TTC28: variants seen among roughly 807,000 people sequenced by gnomAD.
The protein encoded by TTC28 is tetratricopeptide repeat domain 28, also known as tetratricopeptide repeat protein 28.
A neutral mutation model predicts 198.0 loss-of-function variants in TTC28; 61 were observed. That is an observed-to-expected ratio of 0.31 (90% confidence interval 0.25 to 0.38). TTC28 has a LOEUF of 0.38. Among genes scored for constraint, TTC28 ranks in the 10% least tolerant of loss-of-function variants. TTC28 has a pLI of 1.00. For missense variants in TTC28, 2,678 were observed against 3,164.0 expected (o/e 0.85, Z 3.69); for synonymous variants, 1,171 against 1,297.8 (o/e 0.90, Z 2.10).
intron 2 of TTC28, among the ~76,000 whole-genome samples, chr22:28,417,553 A>G (rs1473279965): frequency 6.6e-6 from 1 of 152,176 alleles, no homozygotes; most frequent in Non-Finnish European, 1.5e-5. Flanking sequence ...TAGACGACAT[A>G]TGGCTGACTT....
intron 2 of TTC28, among the ~76,000 whole-genome samples, chr22:28,384,897 T>C (rs940702675): frequency 1.3e-5 from 2 of 152,028 alleles, no homozygotes; most frequent in Non-Finnish European, 2.9e-5. Flanking sequence ...TCCCAGCACT[T>C]TGGGAGGCCG....
intron 2 of TTC28, among the ~76,000 whole-genome samples, chr22:28,567,475 C>CATACATATATAT (rs932379618): frequency 7.3e-5 from 1 of 13,776 alleles, no homozygotes; most frequent in Non-Finnish European, 1.2e-4. Flanking sequence ...CATATACATA[C>CATACATATATAT]ATACATATAT....
At chr22:28,366,998 C>T (rs900876210) in intron 2 of TTC28, among the ~76,000 whole-genome samples, 2 of 151,944 alleles carry the variant, frequency 1.3e-5, no homozygotes, top group Non-Finnish European at 2.9e-5. Context: ...CTGGAGACTT[C>T]AATAGCCCAC....
At chr22:28,312,542 T>A (rs2045282107) in intron 2 of TTC28, among the ~76,000 whole-genome samples, 1 of 152,198 alleles carries the variant, frequency 6.6e-6, no homozygotes, top group Non-Finnish European at 1.5e-5. Context: ...AAATTAGAAC[T>A]CAAGATTAAG....
In TTC28 at chr22:27,978,869, G is replaced by T. The variant is rs1936928874; in HGVS notation, c.*3352C>A. The T allele has an allele frequency of 6.6e-6, 1 of 152,226 alleles. No homozygotes were observed. The highest frequency in any genetic ancestry group is 2.4e-5 in the African/African-American group (1 of 41,452). 9.4% of individuals were successfully genotyped at this position (152,226 alleles called of 1,614,324 possible). A position where few individuals can be genotyped will look rare whatever the true frequency, so the allele number is the denominator to read the frequency against. ...GGGAGTTGTACGGCTTATAGTCATT[G>T]TATTTACATCTGATGGAGTAGCAGA... On this transcript the variant is annotated 3_prime_UTR_variant, in exon 23 of 23. Coordinates refer to ENST00000397906, the MANE Select transcript of TTC28 (RefSeq NM_001145418.2).
chr22:28,443,793 G>A (rs1249786327), intron 2 of TTC28, among the ~76,000 whole-genome samples: 1 of 151,926 alleles, frequency 6.6e-6, no homozygotes. Context: ...GCACCCAACG[G>A]CTCCTAAGGA....
intron 12 of TTC28, among the ~76,000 whole-genome samples, chr22:28,083,071 ATT>A (rs201798492): frequency 2.9e-4 from 41 of 140,880 alleles, no homozygotes; most frequent in Non-Finnish European, 2.7e-4. Flanking sequence ...ATGATGATTC[ATT>A]TTTTTTTTTT....
chr22:28,215,843 T>C (rs1409750576), intron 5 of TTC28, among the ~76,000 whole-genome samples: 2 of 152,226 alleles, frequency 1.3e-5, no homozygotes, highest in African/African-American at 4.8e-5. Flanking sequence ...ATATAAGGCA[T>C]GTTTTTATTA....
intron 14 of TTC28, among the ~76,000 whole-genome samples, chr22:28,010,953 G>C (rs915060317): frequency 3.9e-5 from 6 of 152,228 alleles, no homozygotes; most frequent in African/African-American, 1.4e-4. Flanking sequence ...TGGGGACACA[G>C]AGATGAGGGG....
chr22:27,983,492 A>G lies in TTC28; in HGVS notation c.6175T>C (p.Phe2059Leu), dbSNP rs527733267. 8 of 1,536,532 alleles carry G rather than the reference A, an allele frequency of 5.2e-6. No individual in the cohort carries two copies. In the East Asian group the frequency reaches 2.0e-4, roughly 38 times the overall value. The change falls in exon 23 of 23, where the codon TTT becomes CTT. Residue 2059 changes from phenylalanine to leucine, a missense_variant. By Grantham distance (22) the Phe-to-Leu change is conservative (BLOSUM62 0). Coordinates refer to ENST00000397906, the MANE Select transcript of TTC28 (RefSeq NM_001145418.2). ...GNKDEEEYEG[F>L]SIISNEPLAT... ...AAGGGCTCGTTACTGATGATAGAAA[A>G]CCCTTCATATTCTTCTTCATCTTTG...
chr22:28,117,616 GA>G (rs1942668368), intron 6 of TTC28, among the ~76,000 whole-genome samples: 1 of 152,080 alleles, frequency 6.6e-6, no homozygotes, highest in Non-Finnish European at 1.5e-5. Context: ...TGGTGCCCTC[GA>G]GTTAGTTAAT....
At chr22:28,226,407 T>C (rs1234847763) in intron 5 of TTC28, among the ~76,000 whole-genome samples, 1 of 152,096 alleles carries the variant, frequency 6.6e-6, no homozygotes, top group Non-Finnish European at 1.5e-5. Context: ...GTTGAGCTTT[T>C]TCTGTTCTCT....
At chr22:28,600,796 C>T (rs1405085270) in intron 2 of TTC28, among the ~76,000 whole-genome samples, 4 of 152,184 alleles carry the variant, frequency 2.6e-5, no homozygotes, top group African/African-American at 7.2e-5. Context: ...TTTTACTCAA[C>T]AATTTGCAGC....
At chr22:28,633,418 CG>C (rs1210860785) in intron 1 of TTC28, among the ~76,000 whole-genome samples, 1 of 151,936 alleles carries the variant, frequency 6.6e-6, no homozygotes, top group Non-Finnish European at 1.5e-5. Flanking sequence ...TGTTTGAGCC[CG>C]GGAGTTCAAG....
chr22:28,424,035 C>G (rs1473389452), intron 2 of TTC28, among the ~76,000 whole-genome samples: 1 of 152,134 alleles, frequency 6.6e-6, no homozygotes, highest in African/African-American at 2.4e-5. Context: ...CCAGGAAATA[C>G]ATTTTCCTGA....
chr22:28,167,981 T>A (rs570261665), intron 5 of TTC28, among the ~76,000 whole-genome samples: 2 of 152,208 alleles, frequency 1.3e-5, no homozygotes, highest in Admixed American at 1.3e-4. Flanking sequence ...AGTCTCAGAA[T>A]ACAAAATCAA....
intron 12 of TTC28, among the ~76,000 whole-genome samples, chr22:28,038,321 A>G (rs1939450446): frequency 6.6e-6 from 1 of 152,226 alleles, no homozygotes; most frequent in African/African-American, 2.4e-5. Context: ...CAAAACAGAG[A>G]TATAGACCAA....
chr22:28,064,431 G>C (rs1940675780), intron 12 of TTC28, among the ~76,000 whole-genome samples: 1 of 152,118 alleles, frequency 6.6e-6, no homozygotes, highest in South Asian at 2.1e-4. Context: ...CTTCTAGAAA[G>C]TGGAAAACTC....
intron 2 of TTC28, among the ~76,000 whole-genome samples, chr22:28,446,710 C>T (rs543799068): frequency 1.3e-4 from 20 of 152,176 alleles, no homozygotes; most frequent in African/African-American, 3.4e-4. Flanking sequence ...AACCATAAGC[C>T]AATTAAACCT....
Sources: allele counts gnomAD v4.1 joint callset (sites outside exome capture counted in the v4.1 genomes callset), GRCh38; gene constraint gnomAD v4.1.1; transcripts MANE v1.5; gene names NCBI Gene and HGNC (gene_info 2026-07-23, HGNC 2026-07-21).